STIM1: variants seen among roughly 807,000 people sequenced by gnomAD.
STIM1 encodes the protein stromal interaction molecule 1.
Under a neutral mutation model 74.7 loss-of-function variants are expected in STIM1, and 25 were observed. The observed-to-expected ratio is 0.33, with a 90% CI of 0.24 to 0.47. The LOEUF (loss-of-function observed/expected upper bound fraction) is 0.47. Ranked by LOEUF, STIM1 falls within the 20% of genes least tolerant of loss-of-function variation. The pLI is 1.00. For missense variants in STIM1, 728 were observed against 920.8 expected (o/e 0.79, Z 2.71); for synonymous variants, 328 against 348.8 (o/e 0.94, Z 0.66).
chr11:4,014,749 A>G (rs964702052), intron 2 of STIM1, among the ~76,000 whole-genome samples: 1 of 152,150 alleles, frequency 6.6e-6, no homozygotes, highest in Admixed American at 6.5e-5. Flanking sequence ...TTGGGTGCAT[A>G]TATATTTAGG....
intron 1 of STIM1, among the ~76,000 whole-genome samples, chr11:3,949,856 C>G (rs2093124021): frequency 6.6e-6 from 1 of 152,082 alleles, no homozygotes; most frequent in Admixed American, 6.6e-5. Flanking sequence ...TTCAGATTTC[C>G]CAGTTTTACT....
chr11:4,074,368 GACACACAGCAGAGCAGGGA>G (rs1436357099), intron 6 of STIM1, 115 bp from the exon 7 acceptor site: 3 of 1,079,866 alleles, frequency 2.8e-6, no homozygotes, highest in Non-Finnish European at 2.7e-6. Context: ...CTCAGAGCCA[GACACACAGCAGAGCAGGGA>G]GAATATATGC....
intron 6 of STIM1, among the ~76,000 whole-genome samples, chr11:4,070,870 T>C (rs1050266012): frequency 2.0e-5 from 3 of 151,954 alleles, no homozygotes; most frequent in Non-Finnish European, 2.9e-5. Context: ...TCCTGACGTC[T>C]AGGAACCAGT....
At chr11:3,941,544 A>G (rs2093004655) in intron 1 of STIM1, among the ~76,000 whole-genome samples, 3 of 151,432 alleles carry the variant, frequency 2.0e-5, no homozygotes, top group Admixed American at 6.6e-5. Context: ...GGAATGCAGC[A>G]GTGTTGTAGC....
At chr11:4,013,819 C>G (rs1298521018) in intron 2 of STIM1, among the ~76,000 whole-genome samples, 1 of 150,620 alleles carries the variant, frequency 6.6e-6, no homozygotes, top group Admixed American at 6.7e-5. Context: ...ATTCTCCTGC[C>G]TCCGCCTCCC....
At chr11:3,917,616 G>A (rs1375809033) in intron 1 of STIM1, among the ~76,000 whole-genome samples, 1 of 151,902 alleles carries the variant, frequency 6.6e-6, no homozygotes, top group African/African-American at 2.4e-5. Flanking sequence ...TGCATTTTTT[G>A]TAGAGACAGG....
intron 1 of STIM1, among the ~76,000 whole-genome samples, chr11:3,946,854 A>C (rs1565124345): frequency 1.3e-5 from 2 of 152,150 alleles, no homozygotes; most frequent in African/African-American, 2.4e-5. Context: ...TGGCTCTGCC[A>C]CTGTGTGACT....
At chr11:3,989,014 G>A (rs1343452738) in intron 2 of STIM1, 1 of 824,810 alleles carries the variant, frequency 1.2e-6, no homozygotes, top group Non-Finnish European at 1.9e-6. Context: ...CTTAAAAGAT[G>A]GGATGAGGTG....
intron 12 of STIM1, chr11:4,088,626 G>A: frequency 7.3e-6 from 10 of 1,373,830 alleles, no homozygotes; most frequent in Non-Finnish European, 1.0e-5. Flanking sequence ...TGAGGGCAGT[G>A]GGGAGGAAGG....
intron 2 of STIM1, among the ~76,000 whole-genome samples, chr11:3,985,356 G>A (rs2093548812): frequency 6.6e-6 from 1 of 152,018 alleles, no homozygotes; most frequent in Non-Finnish European, 1.5e-5. Flanking sequence ...TTTTTTGTAT[G>A]TGTGTATACA....
At chr11:4,024,014 T>C (rs1286422496) in intron 3 of STIM1, 27 bp downstream of exon 3, 1 of 1,588,974 alleles carries the variant, frequency 6.3e-7, no homozygotes, top group Admixed American at 1.7e-5. Flanking sequence ...TCATCAATCC[T>C]AGTTGTGGGA....
In STIM1 at chr11:4,091,869, C is replaced by G. The variant is rs1409429416; in HGVS notation, c.*71C>G. The G allele has an allele frequency of 6.3e-7, 1 of 1,586,626 alleles. No homozygotes were observed. Among genetic ancestry groups the G allele is most frequent in the African/African-American group, 1.3e-5 (1 of 74,618 alleles). Reference sequence around the variant, plus strand: ...GTTCTGTCTCTCCTTCCCTCCCTTCCTTCAAGATAACTGGCCCCAAGAGTG... The same window carrying G: ...GTTCTGTCTCTCCTTCCCTCCCTTCGTTCAAGATAACTGGCCCCAAGAGTG... On this transcript the variant is annotated 3_prime_UTR_variant, in exon 13 of 13. Transcript: ENST00000526596.
rs2091068369 is a variant in STIM1 at position 3,870,975 on chromosome 11, C to T, written c.139+14566C>T. Among the ~76,000 whole-genome samples the T allele has an allele frequency of 2.7e-5, 4 of 149,384 alleles. No homozygotes were observed. The South Asian group carries it at 8.5e-4, about 32-fold the overall frequency. ...GCAACCTCTGCCTCCTGGGTTCAAG[C>T]GATTCTCCCACCTCAGCCTCCCAAG... On this transcript the variant is annotated intron_variant, in intron 1 of 12. Coordinates refer to ENST00000526596, the MANE Select transcript of STIM1 (RefSeq NM_001382567.1).
intron 1 of STIM1, among the ~76,000 whole-genome samples, chr11:3,915,239 A>G (rs2092625746): frequency 6.6e-6 from 1 of 151,922 alleles, no homozygotes; most frequent in Admixed American, 6.6e-5. Flanking sequence ...ATGTCTTTTG[A>G]TACACTGTAG....
At chr11:3,954,300 T>C (rs1306759190) in intron 1 of STIM1, among the ~76,000 whole-genome samples, 3 of 152,222 alleles carry the variant, frequency 2.0e-5, no homozygotes, top group African/African-American at 7.2e-5. Context: ...GGATGGTGTT[T>C]ATTCATCTCT....
chr11:3,998,770 G>A (rs1031739264), intron 2 of STIM1, among the ~76,000 whole-genome samples: 2 of 151,998 alleles, frequency 1.3e-5, no homozygotes, highest in Admixed American at 6.5e-5. Context: ...AGAAGGCAGT[G>A]ACTTTTTATT....
At chr11:3,941,694 AGAGT>A (rs1265813988) in intron 1 of STIM1, among the ~76,000 whole-genome samples, 5 of 142,098 alleles carry the variant, frequency 3.5e-5, no homozygotes, top group South Asian at 2.2e-4. Context: ...AGAGAGAGAG[AGAGT>A]GTGTGTGTGT....
At chr11:3,951,673 A>G (rs1395919468) in intron 1 of STIM1, among the ~76,000 whole-genome samples, 1 of 152,174 alleles carries the variant, frequency 6.6e-6, no homozygotes, top group Non-Finnish European at 1.5e-5. Context: ...GTATAATCTT[A>G]GAGGGTCCAC....
At chr11:4,035,102 A>G (rs928644582) in intron 3 of STIM1, among the ~76,000 whole-genome samples, 1 of 151,766 alleles carries the variant, frequency 6.6e-6, no homozygotes, top group Non-Finnish European at 1.5e-5. Flanking sequence ...ATTTTCTTTC[A>G]TCTGCTACTT....
Sources: gnomAD v4.1 joint callset for allele counts (sites outside exome capture counted in the v4.1 genomes callset) on GRCh38, gnomAD v4.1.1 for gene constraint, MANE v1.5 for transcripts, NCBI Gene and HGNC (gene_info 2026-07-23, HGNC 2026-07-21) for gene names.